Variants in NUP107 observed in about 807,000 individuals in gnomAD.
The protein encoded by NUP107 is nucleoporin 107.
In NUP107, 101 loss-of-function variants were observed where a neutral mutation model predicts 141.0. The observed-to-expected ratio is 0.72, with a 90% confidence interval of 0.61 to 0.84. The LOEUF is 0.84. Among genes scored for constraint, NUP107 ranks in the 40% least tolerant of loss-of-function variants. The probability of loss-of-function intolerance (pLI) is 0.00; values close to 1 mark genes in which losing one functional copy is unlikely to be tolerated. For synonymous variants in NUP107, 319 were observed against 363.9 expected (o/e 0.88, Z 1.41); for missense variants, 941 against 1,102.7 (o/e 0.85, Z 2.08).
At chr12:68,706,919 C>T in intron 8 of NUP107, 1 of 715,824 alleles carries the variant, frequency 1.4e-6, no homozygotes, top group Non-Finnish European at 2.5e-6. Context: ...CCTCATAAGC[C>T]CTGGCCTCAG....
intron 23 of NUP107, 167 bp downstream of exon 23, chr12:68,732,906 C>A (rs1400545477): frequency 4.7e-6 from 2 of 424,728 alleles, no homozygotes; most frequent in Non-Finnish European, 8.4e-6. Context: ...GGGTCTCGAA[C>A]TCCTGGCCTG....
chr12:68,736,821 C>G (rs1592524356), intron 26 of NUP107, among the ~76,000 whole-genome samples: 1 of 151,096 alleles, frequency 6.6e-6, no homozygotes, highest in Non-Finnish European at 1.5e-5. Context: ...CTTGCCTCAG[C>G]CTCCCAAGTA....
At chr12:68,709,380 G>A (rs903135138) in intron 9 of NUP107, 71 bp downstream of exon 9, 3 of 841,314 alleles carry the variant, frequency 3.6e-6, no homozygotes, top group South Asian at 1.7e-5. Flanking sequence ...AAGTACTGAA[G>A]TGTTTTTTAA....
chr12:68,703,452 G>T (rs35806125), intron 8 of NUP107, among the ~76,000 whole-genome samples: 13,226 of 150,068 alleles, frequency 0.088, 1,285 homozygotes, highest in African/African-American at 0.24. Flanking sequence ...CTGAGAGTTT[G>T]TTTGTTTTTT....
At chr12:68,689,190 C>A in intron 2 of NUP107, 137 bp downstream of exon 2, 1 of 593,440 alleles carries the variant, frequency 1.7e-6, no homozygotes, top group Non-Finnish European at 2.9e-6. Context: ...CTCCACAGAG[C>A]TGTCATTTGG....
At chr12:68,740,968 G>A (rs1878296802) in intron 26 of NUP107, among the ~76,000 whole-genome samples, 1 of 151,706 alleles carries the variant, frequency 6.6e-6, no homozygotes, top group Admixed American at 6.6e-5. Context: ...GATTGCTTGA[G>A]CCCGGAGATC....
At chr12:68,700,900 A>T in intron 7 of NUP107, 47 bp downstream of exon 7, 1 of 1,464,614 alleles carries the variant, frequency 6.8e-7, no homozygotes, top group Non-Finnish European at 9.1e-7. Flanking sequence ...AAGGTAATAA[A>T]CCAACAGGCA....
In NUP107 at chr12:68,734,827, A is replaced by T. The variant is rs766704791; in HGVS notation, c.2382A>T (p.Lys794Asn). 6.2e-7 allele frequency: 1 copy of T among 1,611,980 alleles called. No homozygotes were observed. The highest frequency in any genetic ancestry group is 2.2e-5 in the East Asian group (1 of 44,780). ...EKVAHEHKEK[K>N]YEMDFGIWKG... Reference sequence around the variant, plus strand: ...TGGCTCATGAACACAAAGAAAAGAAATATGAAGTAAGTTAAATATGGATCT... The same window carrying T: ...TGGCTCATGAACACAAAGAAAAGAATTATGAAGTAAGTTAAATATGGATCT... The change falls in exon 25 of 28, where the codon AAA (lysine) becomes AAT (asparagine). Residue 794 changes from lysine to asparagine, a missense_variant. Physicochemically the swap from Lys to Asn is moderately conservative, Grantham distance 94 (BLOSUM62 0). Transcript: ENST00000229179.
chr12:68,721,987 G>C lies in NUP107; in HGVS notation c.1457+1G>C. ...TCCCTAGAGAATATCTGGGAGCAAAGTGAGTTTGTTGGATTGTTTTGAGTC... is the reference window on the plus strand; with the variant it reads ...TCCCTAGAGAATATCTGGGAGCAAACTGAGTTTGTTGGATTGTTTTGAGTC... On this transcript the variant is annotated splice_donor_variant, in intron 16 of 27. Transcript: ENST00000229179. LOFTEE classifies it high-confidence loss of function. The C allele has an allele frequency of 1.9e-6, 3 of 1,613,474 alleles. No individual in the cohort carries two copies. The highest frequency in any genetic ancestry group is 2.5e-6 in the Non-Finnish European group (3 of 1,179,768).
At chr12:68,703,877 T>A (rs1183097774) in intron 8 of NUP107, among the ~76,000 whole-genome samples, 1 of 152,134 alleles carries the variant, frequency 6.6e-6, no homozygotes. Context: ...GCCGGACATA[T>A]TTAGGTTGTT....
Position 68,727,353 on chromosome 12 carries a change from G to A in NUP107, c.1698G>A (p.Glu566=). 1 of 1,499,052 alleles carries A rather than the reference G, an allele frequency of 6.7e-7. No individual in the cohort carries two copies. Among genetic ancestry groups the A allele is most frequent in the Non-Finnish European group, 9.2e-7 (1 of 1,086,280 alleles). 92.9% of individuals were successfully genotyped at this position (1,499,052 alleles called of 1,614,324 possible). Reference sequence around the variant, plus strand: ...TTATGTCTTTTTTTCCTATGAAGGAGGAAGTTTCTATTGAAGTTTTAAAGA... The same window carrying A: ...TTATGTCTTTTTTTCCTATGAAGGAAGAAGTTTCTATTGAAGTTTTAAAGA... The part of the protein sequence containing the change: ...FFRTLGLQTK[E]EVSIEVLKTY... The change falls in exon 20 of 28, where the codon GAG becomes GAA. Residue 566 remains glutamate, a splice_region_variant and synonymous_variant. Coordinates refer to ENST00000229179, the MANE Select transcript of NUP107 (RefSeq NM_020401.4).
intron 8 of NUP107, chr12:68,705,923 C>T (rs1876557211): frequency 2.2e-6 from 2 of 905,782 alleles, no homozygotes; most frequent in Admixed American, 3.4e-5. Context: ...CAGATCAAGA[C>T]CCTCAACAAC....
intron 5 of NUP107, among the ~76,000 whole-genome samples, chr12:68,693,407 C>A (rs1043291188): frequency 9.9e-5 from 15 of 151,980 alleles, no homozygotes; most frequent in Middle Eastern, 3.4e-3. Context: ...GAGACAGGGT[C>A]TACAAAGACC....
intron 10 of NUP107, among the ~76,000 whole-genome samples, chr12:68,713,099 A>C (rs1244919159): frequency 2.0e-5 from 3 of 152,072 alleles, no homozygotes; most frequent in African/African-American, 7.2e-5. Context: ...TTGGCCAGAC[A>C]TGGTGGCTCA....
At chr12:68,727,055 A>G (rs1225948350) in intron 19 of NUP107, among the ~76,000 whole-genome samples, 1 of 152,224 alleles carries the variant, frequency 6.6e-6, no homozygotes, top group African/African-American at 2.4e-5. Context: ...AGTCCTGAGT[A>G]TATACCCTTA....
rs183160045 is a variant in NUP107 at position 68,733,484 on chromosome 12, T to C, written c.2134T>C (p.Phe712Leu). ...SKKHEAAKEV[F>L]VKIPQDSIAE... The stretch of plus-strand genomic sequence containing the variant: ...AAAGCACGAAGCTGCAAAAGAAGTA[T>C]TTGTGAAAATTCCTCAGGATTCTAT... The change falls in exon 24 of 28, where the codon TTT (phenylalanine) becomes CTT (leucine). Residue 712 changes from phenylalanine (F) to leucine (L), a missense_variant. Physicochemically the swap from Phe to Leu is conservative, Grantham distance 22. Coordinates refer to ENST00000229179, the MANE Select transcript of NUP107 (RefSeq NM_020401.4). 1.7e-5 allele frequency: 28 copies of C among 1,609,644 alleles called. No individual in the cohort carries two copies. Among genetic ancestry groups the C allele is most frequent in the Non-Finnish European group, 2.2e-5 (26 of 1,178,524 alleles).
At chr12:68,710,129 A>G (rs1036736924) in intron 10 of NUP107, 36 bp downstream of exon 10, 10 of 1,029,222 alleles carry the variant, frequency 9.7e-6, no homozygotes, top group Non-Finnish European at 1.4e-5. Flanking sequence ...AGGTCACTCA[A>G]TGTTGATATT....
intron 8 of NUP107, chr12:68,706,362 C>A: frequency 7.3e-7 from 1 of 1,373,374 alleles, no homozygotes; most frequent in Non-Finnish European, 1.0e-6. Context: ...TCGGACACAT[C>A]TGTGGTGCTG....
intron 8 of NUP107, 118 bp downstream of exon 8, chr12:68,702,902 G>A: frequency 1.9e-6 from 1 of 513,888 alleles, no homozygotes; most frequent in Non-Finnish European, 3.3e-6. Flanking sequence ...GGAGGGCAAT[G>A]GCGTGATCTC....
Sources: gnomAD v4.1 joint callset for allele counts (sites outside exome capture counted in the v4.1 genomes callset) on GRCh38, gnomAD v4.1.1 for gene constraint, MANE v1.5 for transcripts, NCBI Gene and HGNC (gene_info 2026-07-23, HGNC 2026-07-21) for gene names.